The following PPP2R5A variants were observed in gnomAD, a reference collection of about 807,000 sequenced individuals.
The protein encoded by PPP2R5A is protein phosphatase 2 regulatory subunit B'alpha.
A neutral mutation model predicts 64.2 loss-of-function variants in PPP2R5A; 25 were observed. That is an observed-to-expected ratio of 0.39 (90% CI 0.28 to 0.54). The LOEUF (loss-of-function observed/expected upper bound fraction) is 0.54, where lower values mean the gene tolerates loss of function less well. Ranked by LOEUF, PPP2R5A falls within the 20% of genes least tolerant of loss-of-function variation. The probability of loss-of-function intolerance (pLI) is 0.67; values close to 1 mark genes in which losing one functional copy is unlikely to be tolerated. For synonymous variants in PPP2R5A, 198 were observed against 201.2 expected (o/e 0.98, Z 0.13); for missense variants, 425 against 576.3 (o/e 0.74, Z 2.69).
intron 5 of PPP2R5A, among the ~76,000 whole-genome samples, chr1:212,346,973 T>C (rs926102098): frequency 2.6e-5 from 4 of 152,220 alleles, no homozygotes; most frequent in Admixed American, 1.3e-4. Flanking sequence ...TGATTAAAAA[T>C]GGCTTTATTA....
intron 1 of PPP2R5A, among the ~76,000 whole-genome samples, chr1:212,317,567 C>T (rs907704216): frequency 1.3e-5 from 2 of 151,938 alleles, no homozygotes; most frequent in East Asian, 1.9e-4. Flanking sequence ...AATATCCTTA[C>T]GTGCAATACA....
Position 212,336,335 on chromosome 1 carries a change from C to T in PPP2R5A, c.480+2737C>T, listed in dbSNP as rs928456022. Among the ~76,000 whole-genome samples the T allele has an allele frequency of 8.5e-5, 13 of 152,128 alleles. No individual in the cohort carries two copies. The East Asian group carries it at 1.2e-3, about 14-fold the overall frequency. ...TTCAGCATGTTGGCCAGGCAGGTCT[C>T]GAACTCAGACCTCAAGTGATCCATC... is the stretch of plus-strand genomic sequence containing the variant. On this transcript the variant is annotated intron_variant, in intron 3 of 12. Transcript: ENST00000261461.
chr1:212,361,667 T>A lies in PPP2R5A; in HGVS notation c.*897T>A, dbSNP rs972304864. 6.5e-6 allele frequency: 1 copy of A among 152,710 alleles called. No homozygotes were observed. Among genetic ancestry groups the A allele is most frequent in the Non-Finnish European group, 1.5e-5 (1 of 68,058 alleles). 9.5% of individuals were successfully genotyped at this position (152,710 alleles called of 1,614,324 possible). On this transcript the variant is annotated 3_prime_UTR_variant, in exon 13 of 13. Transcript: ENST00000261461. ...TAAAGGAACTGCAGTAGGCTTCCTC[T>A]GTAGAGCTCTGAAAAGGTTGACTAT...
At chr1:212,343,949 A>G (rs1298149792) in intron 4 of PPP2R5A, among the ~76,000 whole-genome samples, 1 of 152,208 alleles carries the variant, frequency 6.6e-6, no homozygotes, top group East Asian at 1.9e-4. Flanking sequence ...TGCTTGAATT[A>G]TCTGAGAAGC....
chr1:212,321,797 A>G (rs1431424285), intron 1 of PPP2R5A, among the ~76,000 whole-genome samples: 1 of 151,586 alleles, frequency 6.6e-6, no homozygotes, highest in Non-Finnish European at 1.5e-5. Context: ...GCCGCCGGGC[A>G]GAGGCTGCAA....
chr1:212,356,267 TTTA>T lies in PPP2R5A; in HGVS notation c.928-356_928-354del, dbSNP rs1659976129. On this transcript the variant is annotated intron_variant, in intron 8 of 12. Transcript: ENST00000261461. ...CTCACCCCACCAACTTATATTTTCC[TTTA>T]TTTTCTTAGAAGTAGCACATACTAT... Among the ~76,000 whole-genome samples the T allele has an allele frequency of 2.0e-5, 3 of 152,304 alleles. No individual in the cohort carries two copies. In the South Asian group the frequency reaches 6.2e-4, roughly 32 times the overall value.
chr1:212,323,454 T>C (rs1377426003), intron 1 of PPP2R5A, among the ~76,000 whole-genome samples: 1 of 152,194 alleles, frequency 6.6e-6, no homozygotes, highest in Non-Finnish European at 1.5e-5. Flanking sequence ...ATGGGTAGGG[T>C]TTATTAGGAA....
chr1:212,305,061 C>T lies in PPP2R5A; in HGVS notation c.181+18770C>T, dbSNP rs550777520. 5.0e-4 allele frequency among the ~76,000 whole-genome samples: 56 copies of T among 112,968 alleles called. 3 individuals carry two copies. The South Asian group carries it at 0.014, about 28-fold the overall frequency. The allele number at this position is 112,968 out of a possible 152,430, so 74.1% of individuals were successfully genotyped here. On this transcript the variant is annotated intron_variant, in intron 1 of 12. Transcript: ENST00000261461. Reference sequence around the variant, plus strand: ...TTTTTTTTTTTTTTTTTTTTTGAGACGGAGTCTCGCTCTCTGTCAGGCTGG... The same window carrying T: ...TTTTTTTTTTTTTTTTTTTTTGAGATGGAGTCTCGCTCTCTGTCAGGCTGG...
At chr1:212,354,076 C>T (rs1300492728) in intron 8 of PPP2R5A, among the ~76,000 whole-genome samples, 1 of 152,032 alleles carries the variant, frequency 6.6e-6, no homozygotes, top group Non-Finnish European at 1.5e-5. Flanking sequence ...CCCAGCTACT[C>T]AGGAGGCTGA....
rs1312213417 is a variant in PPP2R5A, at chr1:212,360,910, A to G, written c.*140A>G. On this transcript the variant is annotated 3_prime_UTR_variant, in exon 13 of 13. Transcript: ENST00000261461. ...CTGGCAACTGTAAATGGAAAAATAT[A>G]TGGACTAAACGTAGCCCTGTGCTGT... 1.4e-6 allele frequency: 1 copy of G among 728,818 alleles called. No individual in the cohort carries two copies. Among genetic ancestry groups the G allele is most frequent in the Admixed American group, 4.0e-5 (1 of 24,936 alleles). The allele number at this position is 728,818 out of a possible 1,614,324, so 45.1% of individuals were successfully genotyped here. A position where few individuals can be genotyped will look rare whatever the true frequency, so the allele number is the denominator to read the frequency against.
chr1:212,355,943 T>C (rs1659969368), intron 8 of PPP2R5A, among the ~76,000 whole-genome samples: 1 of 151,990 alleles, frequency 6.6e-6, no homozygotes, highest in African/African-American at 2.4e-5. Flanking sequence ...TGGGCGCCTA[T>C]AATCCCAGCT....
rs56881667 is a variant in PPP2R5A at position 212,309,561 on chromosome 1, TC to T, written c.182-19573del. On this transcript the variant is annotated intron_variant, in intron 1 of 12. Transcript: ENST00000261461. ...TTTACTTCTTTAATCATAGTTTAGT[TC>T]TTTGAACATATATAATGACTACTTT... is the stretch of plus-strand genomic sequence containing the variant. The T allele has an allele frequency of 2.5e-3, 1,810 of 715,664 alleles. 29 individuals carry two copies. In the African/African-American group the frequency reaches 0.028, roughly 11 times the overall value. The allele number at this position is 715,664 out of a possible 1,614,324, so 44.3% of individuals were successfully genotyped here. A position where few individuals can be genotyped will look rare whatever the true frequency, so the allele number is the denominator to read the frequency against.
intron 4 of PPP2R5A, among the ~76,000 whole-genome samples, chr1:212,343,260 C>CT: frequency 6.6e-6 from 1 of 152,184 alleles, no homozygotes; most frequent in African/African-American, 2.4e-5. Flanking sequence ...CCAAAGGCCC[C>CT]TTTTTAACTA....
chr1:212,297,141 A>T (rs1658712261), intron 1 of PPP2R5A, among the ~76,000 whole-genome samples: 1 of 51,180 alleles, frequency 2.0e-5, no homozygotes, highest in Admixed American at 3.3e-4. Flanking sequence ...TTTTTTTTGG[A>T]GACGGAGTCT....
At chr1:212,354,705 TC>T (rs1364957463) in intron 8 of PPP2R5A, among the ~76,000 whole-genome samples, 4 of 137,560 alleles carry the variant, frequency 2.9e-5, no homozygotes, top group Non-Finnish European at 4.6e-5. Flanking sequence ...TGAGGCCTCA[TC>T]AAAAAGAGAG....
chr1:212,315,356 G>A (rs1342064846), intron 1 of PPP2R5A, among the ~76,000 whole-genome samples: 1 of 152,174 alleles, frequency 6.6e-6, no homozygotes, highest in Non-Finnish European at 1.5e-5. Context: ...TCTATTGAGA[G>A]TGTACTAACA....
chr1:212,298,802 G>C (rs1571575410), intron 1 of PPP2R5A, among the ~76,000 whole-genome samples: 6 of 31,026 alleles, frequency 1.9e-4, no homozygotes, highest in African/African-American at 6.7e-4. Context: ...GGGCAGAGGG[G>C]TCCTCACTTC....
chr1:212,356,970 T>C lies in PPP2R5A; in HGVS notation c.999T>C (p.Ile333=), dbSNP rs142355907. ...SQKEVMFLGE[I]EEILDVIEPT... Reference sequence around the variant, plus strand: ...CCTAGGTGATGTTTTTAGGAGAAATTGAAGAAATCTTAGATGTCATTGAAC... The same window carrying C: ...CCTAGGTGATGTTTTTAGGAGAAATCGAAGAAATCTTAGATGTCATTGAAC... The change falls in exon 10 of 13, where the codon ATT becomes ATC. Residue 333 remains isoleucine (I), a synonymous_variant. Coordinates refer to ENST00000261461, the MANE Select transcript of PPP2R5A (RefSeq NM_006243.4). 1 of 1,578,828 alleles carries C rather than the reference T, an allele frequency of 6.3e-7. No homozygotes were observed. Among genetic ancestry groups the C allele is most frequent in the African/African-American group, 1.4e-5 (1 of 73,214 alleles).
At chr1:212,286,439 AC>A in intron 1 of PPP2R5A, 148 bp downstream of exon 1, 1 of 857,546 alleles carries the variant, frequency 1.2e-6, no homozygotes. Flanking sequence ...CCTTGGCGTC[AC>A]CTCACGCCCT....
Sources: allele counts gnomAD v4.1 joint callset (sites outside exome capture counted in the v4.1 genomes callset), GRCh38; gene constraint gnomAD v4.1.1; transcripts MANE v1.5; gene names NCBI Gene and HGNC (gene_info 2026-07-23, HGNC 2026-07-21).